FOXP2: variants seen among roughly 807,000 people sequenced by gnomAD.
The protein encoded by FOXP2 is forkhead box P2.
A neutral mutation model predicts 115.8 loss-of-function variants in FOXP2; 12 were observed. The ratio of observed to expected loss-of-function variants is 0.10; its 90% CI spans 0.07 to 0.17. FOXP2 has a LOEUF of 0.17. Among genes scored for constraint, FOXP2 ranks in the 10% least tolerant of loss-of-function variants. FOXP2 has a pLI of 1.00. For missense variants in FOXP2, 629 were observed against 843.5 expected, an observed-to-expected ratio of 0.75 and a Z score of 3.15; for synonymous variants, 328 against 297.7, an observed-to-expected ratio of 1.10 and a Z score of -1.05.
chr7:114,274,748 T>C (rs1386637965), intron 1 of FOXP2, among the ~76,000 whole-genome samples: 1 of 151,402 alleles, frequency 6.6e-6, no homozygotes, highest in Non-Finnish European at 1.5e-5. Flanking sequence ...CCCAGGTAGC[T>C]GGGACTGCAG....
At chr7:114,238,771 G>T (rs891627106) in intron 1 of FOXP2, among the ~76,000 whole-genome samples, 3 of 100,058 alleles carry the variant, frequency 3.0e-5, no homozygotes, top group African/African-American at 7.8e-5. Context: ...GACTCTATCT[G>T]GGAAAAAAAC....
At chr7:114,533,566 G>T (rs1392012142) in intron 2 of FOXP2, among the ~76,000 whole-genome samples, 3 of 151,716 alleles carry the variant, frequency 2.0e-5, no homozygotes, top group Non-Finnish European at 4.4e-5. Flanking sequence ...TATTATATAG[G>T]AATATTAATC....
At position 114,691,729 on chromosome 7, in the gene FOXP2, G is replaced by A. The variant is rs1808675656; in HGVS notation, c.*1803G>A. 8.8e-6 allele frequency: 4 copies of A among 454,022 alleles called. No homozygotes were observed. The highest frequency in any genetic ancestry group is 4.0e-5 in the African/African-American group (2 of 49,950). The allele number at this position is 454,022 out of a possible 1,614,324, so 28.1% of individuals were successfully genotyped here. A position where few individuals can be genotyped will look rare whatever the true frequency, so the allele number is the denominator to read the frequency against. On this transcript the variant is annotated 3_prime_UTR_variant, in exon 17 of 17. Coordinates refer to ENST00000350908, the MANE Select transcript of FOXP2 (RefSeq NM_014491.4). ...CAAACAGTTTTGACAGAAGGTGGCTGCTAGAGCTTAACATACGTTCCCGTT... is the reference window on the plus strand; with the variant it reads ...CAAACAGTTTTGACAGAAGGTGGCTACTAGAGCTTAACATACGTTCCCGTT...
intron 2 of FOXP2, among the ~76,000 whole-genome samples, chr7:114,345,751 T>C (rs1791331485): frequency 6.6e-6 from 1 of 151,768 alleles, no homozygotes; most frequent in South Asian, 2.1e-4. Flanking sequence ...TCTGATTTTG[T>C]GGCTTTTGAG....
intron 1 of FOXP2, among the ~76,000 whole-genome samples, chr7:114,282,175 G>T (rs1255795713): frequency 6.6e-6 from 1 of 152,136 alleles, no homozygotes; most frequent in Non-Finnish European, 1.5e-5. Context: ...GCTATAATTA[G>T]TATTTATGTA....
intron 9 of FOXP2, 21 bp downstream of exon 9, chr7:114,652,311 A>G (rs771870912): frequency 1.9e-6 from 3 of 1,606,766 alleles, no homozygotes; most frequent in African/African-American, 1.3e-5. Context: ...TGCTCACTTA[A>G]TGGACTCTTC....
intron 3 of FOXP2, among the ~76,000 whole-genome samples, chr7:114,561,855 T>G (rs1043708979): frequency 3.1e-4 from 47 of 152,254 alleles, no homozygotes; most frequent in Non-Finnish European, 5.4e-4. Context: ...AGTAGCATGA[T>G]CATAGTTTAC....
chr7:114,318,484 G>A (rs117662461), intron 2 of FOXP2, among the ~76,000 whole-genome samples: 1,501 of 149,028 alleles, frequency 0.01, 14 homozygotes, highest in Non-Finnish European at 0.014. Context: ...GAATACAGAC[G>A]TAGTAGTGAA....
chr7:114,229,583 T>TA (rs1189996601), intron 1 of FOXP2, among the ~76,000 whole-genome samples: 3 of 150,756 alleles, frequency 2.0e-5, no homozygotes, highest in African/African-American at 7.3e-5. Flanking sequence ...TAGAAATCAA[T>TA]AAAAAAAGGA....
chr7:114,609,304 G>A (rs1803505873), intron 3 of FOXP2, among the ~76,000 whole-genome samples: 1 of 151,910 alleles, frequency 6.6e-6, no homozygotes, highest in South Asian at 2.1e-4. Flanking sequence ...AACTGTGCAA[G>A]TTAAAATTGT....
At chr7:114,266,128 A>G (rs1193950047) in intron 1 of FOXP2, among the ~76,000 whole-genome samples, 1 of 151,924 alleles carries the variant, frequency 6.6e-6, no homozygotes, top group East Asian at 1.9e-4. Context: ...CCATATCACT[A>G]TTAGCATTTT....
chr7:114,441,136 A>G (rs750281576), intron 2 of FOXP2, among the ~76,000 whole-genome samples: 6 of 152,150 alleles, frequency 3.9e-5, no homozygotes, highest in Admixed American at 6.5e-5. Context: ...AATGGTTACA[A>G]TGATGATCAA....
chr7:114,570,275 A>T (rs954403325), intron 3 of FOXP2, among the ~76,000 whole-genome samples: 1 of 151,910 alleles, frequency 6.6e-6, no homozygotes, highest in Non-Finnish European at 1.5e-5. Context: ...TTTAGTGGCA[A>T]TAATTTTTAT....
At chr7:114,472,995 T>C (rs537254295) in intron 2 of FOXP2, among the ~76,000 whole-genome samples, 7 of 152,322 alleles carry the variant, frequency 4.6e-5, no homozygotes, top group South Asian at 4.1e-4. Flanking sequence ...GCAGACATCA[T>C]GATAAGTACT....
chr7:114,432,192 C>T (rs972280031), intron 2 of FOXP2, among the ~76,000 whole-genome samples: 7 of 151,844 alleles, frequency 4.6e-5, no homozygotes, highest in Non-Finnish European at 1.0e-4. Flanking sequence ...ATACATTGTT[C>T]AGTTGGAAGC....
At chr7:114,443,813 A>G (rs1440757350) in intron 2 of FOXP2, among the ~76,000 whole-genome samples, 2 of 151,832 alleles carry the variant, frequency 1.3e-5, no homozygotes, top group African/African-American at 4.8e-5. Context: ...TTCTTTTTCC[A>G]TTTTACTGTT....
intron 1 of FOXP2, among the ~76,000 whole-genome samples, chr7:114,182,226 T>C (rs1040217323): frequency 3.9e-5 from 6 of 152,188 alleles, no homozygotes; most frequent in African/African-American, 1.4e-4. Context: ...ACTTCATATA[T>C]TTTCAAACAG....
At chr7:114,307,352 G>A (rs1797038029) in intron 2 of FOXP2, among the ~76,000 whole-genome samples, 1 of 152,162 alleles carries the variant, frequency 6.6e-6, no homozygotes, top group Non-Finnish European at 1.5e-5. Flanking sequence ...AGCCAGGACA[G>A]ACTAGTAGGT....
intron 1 of FOXP2, among the ~76,000 whole-genome samples, chr7:114,256,926 A>G (rs1333222915): frequency 6.6e-6 from 1 of 152,232 alleles, no homozygotes; most frequent in Non-Finnish European, 1.5e-5. Flanking sequence ...GACATTCTTC[A>G]CAGAATTAGA....
Sources: gnomAD v4.1 joint callset for allele counts (sites outside exome capture counted in the v4.1 genomes callset) on GRCh38, gnomAD v4.1.1 for gene constraint, MANE v1.5 for transcripts, NCBI Gene and HGNC (gene_info 2026-07-23, HGNC 2026-07-21) for gene names.